XRCC4: variants seen among roughly 807,000 people sequenced by gnomAD.
XRCC4 encodes the protein X-ray repair cross complementing 4, also known as DNA repair protein XRCC4.
Under a neutral mutation model 39.1 loss-of-function variants are expected in XRCC4, and 28 were observed. The observed-to-expected ratio is 0.72, with a 90% confidence interval of 0.53 to 0.98. The LOEUF (loss-of-function observed/expected upper bound fraction) is 0.98, where lower values mean the gene tolerates loss of function less well. Ranked by LOEUF, XRCC4 falls within the 50% of genes least tolerant of loss-of-function variation. The probability of loss-of-function intolerance (pLI) is 0.00; values close to 1 mark genes in which losing one functional copy is unlikely to be tolerated. For synonymous variants in XRCC4, 123 were observed against 126.4 expected, an observed-to-expected ratio of 0.97 and a Z score of 0.18; for missense variants, 350 against 376.4, an observed-to-expected ratio of 0.93 and a Z score of 0.58.
At chr5:83,316,032 C>T (rs1198509681) in intron 7 of XRCC4, among the ~76,000 whole-genome samples, 3 of 151,850 alleles carry the variant, frequency 2.0e-5, no homozygotes, top group African/African-American at 7.3e-5. Context: ...TAAGAACATT[C>T]ATGATTCATG....
chr5:83,289,933 A>G (rs955064841), intron 7 of XRCC4, among the ~76,000 whole-genome samples: 3 of 151,734 alleles, frequency 2.0e-5, no homozygotes, highest in African/African-American at 7.3e-5. Context: ...GTGTTCCTGG[A>G]CATAAACTGT....
chr5:83,099,683 A>G lies in XRCC4; in HGVS notation c.-10-5227A>G, dbSNP rs1207908900. Among the ~76,000 whole-genome samples, 4 of 152,148 alleles carry G rather than the reference A, an allele frequency of 2.6e-5. No homozygotes were observed. In the South Asian group the frequency reaches 8.3e-4, roughly 32 times the overall value. ...GATGTACAAATTGGGGTGGGACCCA[A>G]CTGTTTCCACCTGCAGGCTTGTCTT... is the stretch of plus-strand genomic sequence containing the variant. On this transcript the variant is annotated intron_variant, in intron 1 of 7. Coordinates refer to ENST00000396027, the MANE Select transcript of XRCC4 (RefSeq NM_003401.5).
intron 6 of XRCC4, among the ~76,000 whole-genome samples, chr5:83,214,871 TAAAG>T (rs1751797803): frequency 6.8e-6 from 1 of 147,546 alleles, no homozygotes; most frequent in Admixed American, 6.8e-5. Flanking sequence ...AAATACAGAA[TAAAG>T]AAATTAAGGA....
intron 6 of XRCC4, among the ~76,000 whole-genome samples, chr5:83,218,286 A>G (rs770183524): frequency 4.9e-5 from 7 of 141,542 alleles, no homozygotes; most frequent in African/African-American, 1.6e-4. Flanking sequence ...AAGATGGTAC[A>G]TACTCTGCAA....
At chr5:83,111,550 A>AT (rs1341721738) in intron 3 of XRCC4, among the ~76,000 whole-genome samples, 3 of 116,554 alleles carry the variant, frequency 2.6e-5, no homozygotes, top group African/African-American at 1.1e-4. Context: ...TGAAATATTG[A>AT]TTTTAAGAAA....
At chr5:83,304,176 CTT>C (rs753535950) in intron 7 of XRCC4, among the ~76,000 whole-genome samples, 2,753 of 128,166 alleles carry the variant, frequency 0.021, 29 homozygotes, top group South Asian at 0.11. Flanking sequence ...TGTTAAACAA[CTT>C]TTTTTTTTTT....
At chr5:83,091,280 A>C (rs1225572713) in intron 1 of XRCC4, among the ~76,000 whole-genome samples, 1 of 152,180 alleles carries the variant, frequency 6.6e-6, no homozygotes, top group Admixed American at 6.5e-5. Context: ...TGGCAGAAGG[A>C]AAAGCAGGCA....
At chr5:83,294,233 A>C (rs1489443046) in intron 7 of XRCC4, among the ~76,000 whole-genome samples, 2 of 152,172 alleles carry the variant, frequency 1.3e-5, no homozygotes, top group East Asian at 3.9e-4. Flanking sequence ...CTAAGTACAC[A>C]AGAGGAACTT....
At chr5:83,280,374 A>G in intron 7 of XRCC4, 1 of 530,004 alleles carries the variant, frequency 1.9e-6, no homozygotes, top group East Asian at 3.4e-5. Context: ...TGTTTCTTGA[A>G]TGTCTTAAAA....
At chr5:83,324,982 G>A (rs1756200517) in intron 7 of XRCC4, among the ~76,000 whole-genome samples, 1 of 152,054 alleles carries the variant, frequency 6.6e-6, no homozygotes, top group Non-Finnish European at 1.5e-5. Flanking sequence ...GGCTACTTTG[G>A]GAACCCTTCA....
chr5:83,181,160 T>C (rs1356253835), intron 3 of XRCC4, among the ~76,000 whole-genome samples: 2 of 151,860 alleles, frequency 1.3e-5, no homozygotes, highest in Admixed American at 6.6e-5. Flanking sequence ...CTTTTTATTA[T>C]GGAAGATGAG....
Position 83,334,652 on chromosome 5 carries a change from G to A in XRCC4, c.894-18479G>A, listed in dbSNP as rs181152061. Among the ~76,000 whole-genome samples the A allele has an allele frequency of 4.8e-3, 715 of 150,426 alleles. 2 individuals carry two copies. The highest frequency in any genetic ancestry group is 6.5e-3 in the Non-Finnish European group (442 of 67,750). On this transcript the variant is annotated intron_variant, in intron 7 of 7. Transcript: ENST00000396027. Reference sequence around the variant, plus strand: ...ACTTTTAAAAATATTATGTACATACGTACATTATATGTATGTGTGTGCATA... The same window carrying A: ...ACTTTTAAAAATATTATGTACATACATACATTATATGTATGTGTGTGCATA...
At chr5:83,309,266 CAAAAAAAAAAAAAAAA>C (rs59326460) in intron 7 of XRCC4, among the ~76,000 whole-genome samples, 2 of 17,388 alleles carry the variant, frequency 1.2e-4, no homozygotes, top group African/African-American at 2.6e-4. Context: ...GACTCCGTCT[CAAAAAAAAAAAAAAAA>C]AAAAAAAAAA....
In XRCC4 at chr5:83,161,470, C is replaced by T. The variant is rs926162111; in HGVS notation, c.316-34300C>T. Among the ~76,000 whole-genome samples, 10 of 152,170 alleles carry T rather than the reference C, an allele frequency of 6.6e-5. No homozygotes were observed. The Middle Eastern group carries it at 0.01, about 155-fold the overall frequency. On this transcript the variant is annotated intron_variant, in intron 3 of 7. Coordinates refer to ENST00000396027, the MANE Select transcript of XRCC4 (RefSeq NM_003401.5). ...TGAGATGAATAATCTAAATATAAGT[C>T]ATCTTTATCTTTTAATAGAGACACT...
intron 3 of XRCC4, among the ~76,000 whole-genome samples, chr5:83,153,104 T>G (rs749036097): frequency 6.6e-6 from 1 of 152,238 alleles, no homozygotes; most frequent in Non-Finnish European, 1.5e-5. Context: ...AATTTTGTTC[T>G]ATCAGTGGAA....
intron 7 of XRCC4, among the ~76,000 whole-genome samples, chr5:83,273,966 T>G (rs1580452755): frequency 6.6e-6 from 1 of 152,162 alleles, no homozygotes; most frequent in East Asian, 1.9e-4. Context: ...ACTTTTCTAG[T>G]TGTAGATACT....
At chr5:83,114,121 C>G (rs1010171193) in intron 3 of XRCC4, among the ~76,000 whole-genome samples, 10 of 151,756 alleles carry the variant, frequency 6.6e-5, no homozygotes, top group African/African-American at 2.4e-4. Context: ...GGAACCAAGT[C>G]CCTAGGCTGC....
At chr5:83,276,326 G>C (rs192262912) in intron 7 of XRCC4, among the ~76,000 whole-genome samples, 2 of 151,514 alleles carry the variant, frequency 1.3e-5, no homozygotes, top group African/African-American at 4.8e-5. Context: ...TTCAATACTT[G>C]TTTCTTCCAA....
intron 6 of XRCC4, among the ~76,000 whole-genome samples, chr5:83,258,252 C>T (rs1753621646): frequency 6.6e-6 from 1 of 151,998 alleles, no homozygotes; most frequent in South Asian, 2.1e-4. Flanking sequence ...AATAAAAATA[C>T]TATCTCCATT....
Sources: allele counts gnomAD v4.1 joint callset (sites outside exome capture counted in the v4.1 genomes callset), GRCh38; gene constraint gnomAD v4.1.1; transcripts MANE v1.5; gene names NCBI Gene and HGNC (gene_info 2026-07-23, HGNC 2026-07-21).